PCDHGA3: variants seen among roughly 807,000 people sequenced by gnomAD.
The protein encoded by PCDHGA3 is protocadherin gamma subfamily A, 3.
In PCDHGA3, 40 loss-of-function variants were observed where a neutral mutation model predicts 58.5. That is an observed-to-expected ratio of 0.68 (90% CI 0.53 to 0.89). PCDHGA3 has a LOEUF of 0.89. Among genes scored for constraint, PCDHGA3 ranks in the 40% least tolerant of loss-of-function variants. The pLI, the probability that PCDHGA3 is intolerant of heterozygous loss-of-function variation, is 0.00. For missense variants in PCDHGA3, 1,223 were observed against 1,195.9 expected (o/e 1.02, Z -0.33); for synonymous variants, 530 against 525.7 (o/e 1.01, Z -0.11).
chr5:141,362,084 G>T lies in PCDHGA3; in HGVS notation c.2424+15627G>T, dbSNP rs373978037. 6.6e-5 allele frequency: 107 copies of T among 1,613,188 alleles called. No homozygotes were observed. In the African/African-American group the frequency reaches 1.3e-3, roughly 20 times the overall value. The stretch of plus-strand genomic sequence containing the variant: ...CTGCTGGTCGCTGTGCGTGATGGAG[G>T]ACAGCCGCCACTCTCCGCTACGGCC... On this transcript the variant is annotated intron_variant, in intron 1 of 3. Coordinates refer to ENST00000253812, the MANE Select transcript of PCDHGA3 (RefSeq NM_018916.4).
chr5:141,374,102 C>T, intron 1 of PCDHGA3: 2 of 1,568,166 alleles, frequency 1.3e-6, no homozygotes, highest in South Asian at 2.4e-5. Flanking sequence ...TCCGCAGAGG[C>T]ATCCGCAGCG....
Position 141,491,608 on chromosome 5 carries a change from C to T in PCDHGA3, c.2425-3199C>T. On this transcript the variant is annotated intron_variant, in intron 1 of 3. Transcript: ENST00000253812. This position sits in a 1 kb window ranked among gnomAD's most constrained non-coding sequence, Gnocchi z 6.9. Reference sequence around the variant, plus strand: ...CTCGGACGGCAGTGACTTCACTTTTCTAAGACCCCTCAGCGTTCAGCAGCC... The same window carrying T: ...CTCGGACGGCAGTGACTTCACTTTTTTAAGACCCCTCAGCGTTCAGCAGCC... 6.2e-7 allele frequency: 1 copy of T among 1,613,942 alleles called. No individual in the cohort carries two copies. The highest frequency in any genetic ancestry group is 1.1e-5 in the South Asian group (1 of 91,086).
At position 141,487,905 on chromosome 5, in the gene PCDHGA3, G is replaced by A. The variant is rs1305989274; in HGVS notation, c.2425-6902G>A. The A allele has an allele frequency of 2.9e-6, 2 of 686,270 alleles. No individual in the cohort carries two copies. The highest frequency in any genetic ancestry group is 3.6e-5 in the African/African-American group (2 of 55,348). The allele number at this position is 686,270 out of a possible 1,614,324, so 42.5% of individuals were successfully genotyped here. ...GTGGAAGCATGATGATGGAATGTGG[G>A]AGCACAGGAGGCTACAGTGCACAGG... On this transcript the variant is annotated intron_variant, in intron 1 of 3. Coordinates refer to ENST00000253812, the MANE Select transcript of PCDHGA3 (RefSeq NM_018916.4). This position sits in a 1 kb window ranked among gnomAD's most constrained non-coding sequence, Gnocchi z 5.0.
chr5:141,360,414 A>G, intron 1 of PCDHGA3: 1 of 1,614,020 alleles, frequency 6.2e-7, no homozygotes, highest in Non-Finnish European at 8.5e-7. Flanking sequence ...TAGACCGAGA[A>G]CAGATATGCG....
In PCDHGA3 at chr5:141,360,884, C is replaced by T; in HGVS notation, c.2424+14427C>T. 1 of 1,614,020 alleles carries T rather than the reference C, an allele frequency of 6.2e-7. No individual in the cohort carries two copies. Among genetic ancestry groups the T allele is most frequent in the Non-Finnish European group, 8.5e-7 (1 of 1,179,908 alleles). On this transcript the variant is annotated intron_variant, in intron 1 of 3. Coordinates refer to ENST00000253812, the MANE Select transcript of PCDHGA3 (RefSeq NM_018916.4). ...TTCAGCCAGGACGTGTACAGGGTCA[C>T]CCTGAGGGAGGACGTGCCGCCGGGC...
intron 1 of PCDHGA3, among the ~76,000 whole-genome samples, chr5:141,460,992 T>C (rs2099006034): frequency 6.6e-6 from 1 of 151,316 alleles, no homozygotes; most frequent in South Asian, 2.1e-4. Context: ...TGTATATATA[T>C]ATATGTGTAT....
chr5:141,422,519 C>G, intron 1 of PCDHGA3: 1 of 1,613,968 alleles, frequency 6.2e-7, no homozygotes, highest in Non-Finnish European at 8.5e-7. Flanking sequence ...CAGGGAAGCC[C>G]GCCTTTGTCT....
chr5:141,494,815 G>T lies in PCDHGA3; in HGVS notation c.2433G>T (p.Pro811=). The change falls in exon 2 of 4, where the codon CCG becomes CCT. Residue 811 remains proline, a synonymous_variant. Transcript: ENST00000253812. ...CTCTGTTTTCTCCACAGCAAGCCCC[G>T]CCCAACACGGACTGGCGTTTCTCTC... The part of the protein sequence containing the change: ...KGDSNLLQQA[P]PNTDWRFSQA... 1.2e-6 allele frequency: 2 copies of T among 1,613,976 alleles called. No individual in the cohort carries two copies. The highest frequency in any genetic ancestry group is 1.1e-5 in the South Asian group (1 of 91,072).
intron 1 of PCDHGA3, among the ~76,000 whole-genome samples, chr5:141,451,284 G>C (rs950768919): frequency 2.6e-5 from 4 of 152,186 alleles, no homozygotes; most frequent in African/African-American, 9.7e-5. Flanking sequence ...GAGTGCCTCT[G>C]CCTCAAAGTC....
intron 1 of PCDHGA3, chr5:141,384,805 G>T (rs1314252403): frequency 6.2e-7 from 1 of 1,613,506 alleles, no homozygotes; most frequent in Admixed American, 1.7e-5. Context: ...GCTGGACAGA[G>T]ATGCCCTCAA....
At chr5:141,389,508 G>A (rs369319162) in intron 1 of PCDHGA3, 3 of 1,613,090 alleles carry the variant, frequency 1.9e-6, no homozygotes, top group Non-Finnish European at 2.5e-6. Flanking sequence ...AGCGCTCAGC[G>A]CGAACGTGAG....
intron 1 of PCDHGA3, chr5:141,352,492 G>T (rs1188371318): frequency 6.2e-7 from 1 of 1,614,004 alleles, no homozygotes; most frequent in Non-Finnish European, 8.5e-7. Flanking sequence ...AGGGGACTTT[G>T]CCCTATTCCT....
chr5:141,376,977 G>T (rs529935042), intron 1 of PCDHGA3: 1 of 157,454 alleles, frequency 6.4e-6, no homozygotes, highest in Admixed American at 6.2e-5. Flanking sequence ...GTGAGCCACC[G>T]CGCCCGGCCG....
intron 1 of PCDHGA3, chr5:141,370,851 G>C (rs903944197): frequency 6.2e-7 from 1 of 1,614,018 alleles, no homozygotes; most frequent in South Asian, 1.1e-5. Context: ...AGCCACATTT[G>C]CCCTGGAATC....
At chr5:141,384,030 A>G (rs1246971074) in intron 1 of PCDHGA3, 2 of 1,613,466 alleles carry the variant, frequency 1.2e-6, no homozygotes, top group Non-Finnish European at 1.7e-6. Flanking sequence ...GAGATTCTGG[A>G]AAGAATGGTG....
intron 1 of PCDHGA3, among the ~76,000 whole-genome samples, chr5:141,492,854 G>A (rs1361942466): frequency 6.6e-6 from 1 of 152,212 alleles, no homozygotes; most frequent in Non-Finnish European, 1.5e-5. Flanking sequence ...AAAGCCTCGA[G>A]CGCCCTGGCT....
Position 141,392,866 on chromosome 5 carries a change from C to T in PCDHGA3, c.2424+46409C>T, listed in dbSNP as rs1000509941. The stretch of plus-strand genomic sequence containing the variant: ...CGCGGCGAGCTGATCCTGCTGTGCG[C>T]GCTGCTGGGAACGCTGTGGGAAATC... On this transcript the variant is annotated intron_variant, in intron 1 of 3. Transcript: ENST00000253812. 7 of 1,612,962 alleles carry T rather than the reference C, an allele frequency of 4.3e-6. No individual in the cohort carries two copies. The highest frequency in any genetic ancestry group is 3.3e-4 in the Middle Eastern group (2 of 6,060).
chr5:141,377,398 G>A (rs1274775607), intron 1 of PCDHGA3: 1 of 152,106 alleles, frequency 6.6e-6, no homozygotes. Context: ...TTGAGACCAG[G>A]AGTTTGAGAC....
At chr5:141,393,746 A>G (rs1167040701) in intron 1 of PCDHGA3, 6 of 1,613,800 alleles carry the variant, frequency 3.7e-6, no homozygotes, top group South Asian at 1.1e-5. Context: ...ATTATGAAGA[A>G]TGTTCATTTT....
Sources: gnomAD v4.1 joint callset for allele counts (sites outside exome capture counted in the v4.1 genomes callset) on GRCh38, gnomAD v4.1.1 for gene constraint, Gnocchi (gnomAD v3.1) non-coding constraint, MANE v1.5 for transcripts, NCBI Gene and HGNC (gene_info 2026-07-23, HGNC 2026-07-21) for gene names.